Variants in MMP14 observed in about 807,000 individuals in gnomAD.
MMP14 encodes the protein matrix metalloproteinase-14.
MMP14 carries 13 observed loss-of-function variants against 64.8 expected under a neutral mutation model. The ratio of observed to expected loss-of-function variants is 0.20; its 90% CI spans 0.13 to 0.32. The LOEUF is 0.32. Among genes scored for constraint, MMP14 ranks in the 10% least tolerant of loss-of-function variants. The pLI, the probability that MMP14 is intolerant of heterozygous loss-of-function variation, is 1.00. For missense variants in MMP14, 594 were observed against 783.8 expected, an observed-to-expected ratio of 0.76 and a Z score of 2.89; for synonymous variants, 322 against 315.9, an observed-to-expected ratio of 1.02 and a Z score of -0.20.
At position 22,843,974 on chromosome 14, in the gene MMP14, T is replaced by C; in HGVS notation, c.1011+104T>C. ...ACTTTGAGAGGCCAAGGCAGGTGGA[T>C]CACCTGAGGTCTGGAGTTCGAGAGC... On this transcript the variant is annotated intron_variant, in intron 6 of 9. Transcript: ENST00000311852. This position sits in a 1 kb window ranked among gnomAD's most constrained non-coding sequence, Gnocchi z 4.8. 1.5e-6 allele frequency: 2 copies of C among 1,378,478 alleles called. No homozygotes were observed. Among genetic ancestry groups the C allele is most frequent in the South Asian group, 1.3e-5 (1 of 78,204 alleles). 85.4% of individuals were successfully genotyped at this position (1,378,478 alleles called of 1,614,324 possible). A position where few individuals can be genotyped will look rare whatever the true frequency, so the allele number is the denominator to read the frequency against.
At chr14:22,841,730 A>T in intron 2 of MMP14, 91 bp downstream of exon 2, 1 of 1,570,934 alleles carries the variant, frequency 6.4e-7, no homozygotes, top group Non-Finnish European at 8.7e-7. Context: ...TGGCTTGTGC[A>T]CCCCACTCCC....
chr14:22,837,231 T>G (rs1323491827), intron 1 of MMP14: 2 of 563,944 alleles, frequency 3.5e-6, no homozygotes, highest in African/African-American at 1.9e-5. Flanking sequence ...CCCGATTCCC[T>G]TGGGCTCTGC....
In MMP14 at chr14:22,847,012, C is replaced by A. The variant is rs1269110347; in HGVS notation, c.*973C>A. 2.6e-5 allele frequency: 4 copies of A among 152,834 alleles called. No individual in the cohort carries two copies. Among genetic ancestry groups the A allele is most frequent in the Non-Finnish European group, 5.8e-5 (4 of 68,510 alleles). The allele number at this position is 152,834 out of a possible 1,614,324, so 9.5% of individuals were successfully genotyped here. The stretch of plus-strand genomic sequence containing the variant: ...GTGCAGCAGCATTGGAAGGCTGGGG[C>A]CGGGCAGGCCAGGCCAAGCCAAGCA... On this transcript the variant is annotated 3_prime_UTR_variant, in exon 10 of 10. Transcript: ENST00000311852.
At position 22,843,687 on chromosome 14, in the gene MMP14, GC is replaced by G. The variant is rs762204257; in HGVS notation, c.851-19del. 1.3e-6 allele frequency: 2 copies of G among 1,582,224 alleles called. No homozygotes were observed. Among genetic ancestry groups the G allele is most frequent in the South Asian group, 1.2e-5 (1 of 86,770 alleles). ...CCCCGCCTCCTCCTAAGTCTGAAAT[GC>G]CCCTCGTGTTTTCTGCCCCAGGGGG... On this transcript the variant is annotated intron_variant, in intron 5 of 9. Coordinates refer to ENST00000311852, the MANE Select transcript of MMP14 (RefSeq NM_004995.4). This position sits in a 1 kb window ranked among gnomAD's most constrained non-coding sequence, Gnocchi z 4.8.
intron 6 of MMP14, 138 bp from the exon 7 acceptor site, chr14:22,844,233 G>A: frequency 1.6e-6 from 2 of 1,276,908 alleles, no homozygotes; most frequent in Non-Finnish European, 2.2e-6. Flanking sequence ...CTGTGGTAGG[G>A]CGGCTGGGTG....
At position 22,843,345 on chromosome 14, in the gene MMP14, C is replaced by A. The variant is rs2236302; in HGVS notation, c.777C>A (p.Pro259=). The part of the protein sequence containing the change: ...HSSDPSAIMA[P]FYQWMDTENF... The stretch of plus-strand genomic sequence containing the variant: ...GTGACCCCTCGGCCATCATGGCACC[C>A]TTTTACCAGTGGATGGACACGGAGA... The change falls in exon 5 of 10, where the codon CCC becomes CCA. Residue 259 remains proline (P), a synonymous_variant. Transcript: ENST00000311852. This position sits in a 1 kb window ranked among gnomAD's most constrained non-coding sequence, Gnocchi z 4.8. 4.3e-6 allele frequency: 7 copies of A among 1,613,814 alleles called. No individual in the cohort carries two copies. The highest frequency in any genetic ancestry group is 2.7e-5 in the African/African-American group (2 of 74,810).
At chr14:22,837,777 T>C (rs2039745649) in intron 1 of MMP14, among the ~76,000 whole-genome samples, 1 of 151,956 alleles carries the variant, frequency 6.6e-6, no homozygotes, top group South Asian at 2.1e-4. Context: ...CCCCCCACCC[T>C]CACCCCGGCC....
chr14:22,836,912 G>C lies in MMP14; in HGVS notation c.95G>C (p.Ser32Thr), dbSNP rs1218291916. 4 of 1,613,518 alleles carry C rather than the reference G, an allele frequency of 2.5e-6. No homozygotes were observed. The Admixed American group carries it at 6.7e-5, about 27-fold the overall frequency. ...TCCCTCGGCTCGGCCCAAAGCAGCA[G>C]CTTCAGCCCCGAAGTAAGTGAGCTT... is the stretch of plus-strand genomic sequence containing the variant. Reference protein sequence around the residue: ...LASLGSAQSSSFSPEAWLQQY... With the variant: ...LASLGSAQSSTFSPEAWLQQY... The change falls in exon 1 of 10, where the codon AGC becomes ACC. Residue 32 changes from serine to threonine, a missense_variant. Transcript: ENST00000311852.
Position 22,844,464 on chromosome 14 carries a change from A to G in MMP14, c.1105A>G (p.Asn369Asp). 2.5e-6 allele frequency: 4 copies of G among 1,614,152 alleles called. No individual in the cohort carries two copies. Among genetic ancestry groups the G allele is most frequent in the Non-Finnish European group, 3.4e-6 (4 of 1,180,024 alleles). ...CTGGCGGGGCCTGCCTGCGTCCATC[A>G]ACACTGCCTACGAGAGGAAGGATGG... is the stretch of plus-strand genomic sequence containing the variant. ...QFWRGLPASI[N>D]TAYERKDGKF... Residue 369 changes from asparagine to aspartate, a missense_variant, in exon 7 of 10, where the codon AAC becomes GAC. By Grantham distance (23) the Asn-to-Asp change is conservative. Coordinates refer to ENST00000311852, the MANE Select transcript of MMP14 (RefSeq NM_004995.4).
rs1313643113 is a variant in MMP14, at chr14:22,842,391, C to T, written c.381-19C>T. 2 of 1,598,432 alleles carry T rather than the reference C, an allele frequency of 1.3e-6. No homozygotes were observed. The highest frequency in any genetic ancestry group is 1.7e-5 in the Admixed American group (1 of 59,276). On this transcript the variant is annotated intron_variant, in intron 3 of 9. Coordinates refer to ENST00000311852, the MANE Select transcript of MMP14 (RefSeq NM_004995.4). The surrounding 1 kb of genome is among the most constrained non-coding windows in gnomAD (Gnocchi z 5.3). ...TATCCTAACACACCCCATCCTCTCC[C>T]CACGTGGCTGGACCTCAGCATCCAG...
chr14:22,846,232 C>T lies in MMP14; in HGVS notation c.*193C>T. On this transcript the variant is annotated 3_prime_UTR_variant, in exon 10 of 10. Transcript: ENST00000311852. ...CCCTCCTGCCCCGGCATTGCATCTTCCCTAGATAGGTCCCCTGAGGGCTGA... is the reference window on the plus strand; with the variant it reads ...CCCTCCTGCCCCGGCATTGCATCTTTCCTAGATAGGTCCCCTGAGGGCTGA... 1.7e-6 allele frequency: 1 copy of T among 592,736 alleles called. No individual in the cohort carries two copies. Among genetic ancestry groups the T allele is most frequent in the Non-Finnish European group, 2.9e-6 (1 of 343,382 alleles). 36.7% of individuals were successfully genotyped at this position (592,736 alleles called of 1,614,324 possible).
Position 22,842,769 on chromosome 14 carries a change from T to C in MMP14, c.688+52T>C, listed in dbSNP as rs749118316. 1 of 1,538,084 alleles carries C rather than the reference T, an allele frequency of 6.5e-7. No homozygotes were observed. Among genetic ancestry groups the C allele is most frequent in the Non-Finnish European group, 8.8e-7 (1 of 1,136,980 alleles). On this transcript the variant is annotated intron_variant, in intron 4 of 9. Coordinates refer to ENST00000311852, the MANE Select transcript of MMP14 (RefSeq NM_004995.4). This position sits in a 1 kb window ranked among gnomAD's most constrained non-coding sequence, Gnocchi z 5.3. ...TCTGGAAAAAGCCAACAGTCATTTG[T>C]AGGGGTGGTTCCCCTCCCTCCTTCC...
chr14:22,845,840 G>A lies in MMP14; in HGVS notation c.1550G>A (p.Gly517Glu), dbSNP rs536472819. Residue 517 changes from glycine to glutamate, a missense_variant, in exon 10 of 10, where the codon GGG becomes GAG. Around this residue, in one of 4 missense-constraint regions of MMP14, gnomAD observed 364 missense variants for 425.2 expected, o/e 0.86. Coordinates refer to ENST00000311852, the MANE Select transcript of MMP14 (RefSeq NM_004995.4). ...CCATCGGGAGGCCGGCCGGATGAGG[G>A]GACTGAGGAGGAGACGGAGGTGATC... is the stretch of plus-strand genomic sequence containing the variant. ...GCPSGGRPDE[G>E]TEEETEVIII... 1.2e-6 allele frequency: 2 copies of A among 1,614,186 alleles called. No individual in the cohort carries two copies. The highest frequency in any genetic ancestry group is 2.7e-5 in the African/African-American group (2 of 75,052).
In MMP14 at chr14:22,844,721, G is replaced by C; in HGVS notation, c.1242G>C (p.Lys414Asn). 1 of 1,614,114 alleles carries C rather than the reference G, an allele frequency of 6.2e-7. No individual in the cohort carries two copies. The highest frequency in any genetic ancestry group is 8.5e-7 in the Non-Finnish European group (1 of 1,180,018). ...KELGRGLPTD[K>N]IDAALFWMPN... is the part of the protein sequence containing the mutation. ...TGGGCCGAGGGCTGCCTACCGACAA[G>C]ATTGATGCTGCTCTCTTCTGGATGC... is the stretch of plus-strand genomic sequence containing the variant. The change falls in exon 8 of 10, where the codon AAG becomes AAC. Residue 414 changes from lysine to asparagine, a missense_variant. Physicochemically the swap from Lys to Asn is moderately conservative, Grantham distance 94. Around this residue, in one of 4 missense-constraint regions of MMP14, gnomAD observed 364 missense variants for 425.2 expected, o/e 0.86. Transcript: ENST00000311852.
intron 1 of MMP14, among the ~76,000 whole-genome samples, chr14:22,839,086 G>C (rs754394519): frequency 6.6e-6 from 1 of 152,112 alleles, no homozygotes. Flanking sequence ...TCCTTCTGTC[G>C]TTCTGTCTTC....
rs565305259 is a variant in MMP14 at position 22,839,587 on chromosome 14, A to T, written c.109-1904A>T. On this transcript the variant is annotated intron_variant, in intron 1 of 9. Transcript: ENST00000311852. Reference sequence around the variant, plus strand: ...GTTTACATCTCGGGTTCTAGCTCGCATCAGCCTTGGGGGGGGATCACTTCC... The same window carrying T: ...GTTTACATCTCGGGTTCTAGCTCGCTTCAGCCTTGGGGGGGGATCACTTCC... Among the ~76,000 whole-genome samples the T allele has an allele frequency of 1.1e-4, 17 of 152,338 alleles. No homozygotes were observed. In the South Asian group the frequency reaches 3.3e-3, roughly 30 times the overall value.
At chr14:22,845,196 G>C (rs558981544) in intron 8 of MMP14, 55 bp from the exon 9 acceptor site, 65 of 1,349,582 alleles carry the variant, frequency 4.8e-5, no homozygotes, top group East Asian at 1.2e-4. Flanking sequence ...CGGGTCTTGC[G>C]CCTCCTGAGG....
Position 22,836,694 on chromosome 14 carries a change from T to A in MMP14, c.-124T>A. 1.8e-6 allele frequency: 1 copy of A among 561,884 alleles called. No individual in the cohort carries two copies. Among genetic ancestry groups the A allele is most frequent in the Non-Finnish European group, 3.1e-6 (1 of 319,200 alleles). 34.8% of individuals were successfully genotyped at this position (561,884 alleles called of 1,614,324 possible). ...CCCTTTAACTCCAAGCCGACAGCGG[T>A]CTAGGAATTCAAGTTCAGTGCCTAC... On this transcript the variant is annotated 5_prime_UTR_variant, in exon 1 of 10. Coordinates refer to ENST00000311852, the MANE Select transcript of MMP14 (RefSeq NM_004995.4).
chr14:22,837,350 T>G (rs1039412187), intron 1 of MMP14: 1 of 457,296 alleles, frequency 2.2e-6, no homozygotes, highest in South Asian at 1.5e-5. Context: ...TTCCCAGCTC[T>G]CCAGCGCTCT....
Sources: gnomAD v4.1 joint callset for allele counts (sites outside exome capture counted in the v4.1 genomes callset) on GRCh38, gnomAD v4.1.1 for gene constraint, gnomAD v4.1.1 regional missense constraint, Gnocchi (gnomAD v3.1) non-coding constraint, MANE v1.5 for transcripts, NCBI Gene and HGNC (gene_info 2026-07-23, HGNC 2026-07-21) for gene names.